MAP4K3: variants seen among roughly 807,000 people sequenced by gnomAD.
The protein encoded by MAP4K3 is MAPK/ERK kinase kinase kinase 3.
In MAP4K3, 94 loss-of-function variants were observed where a neutral mutation model predicts 143.5. The observed-to-expected ratio is 0.65, with a 90% CI of 0.55 to 0.78. The LOEUF is 0.78. MAP4K3 is among the 30% of genes least tolerant of loss of function. MAP4K3 has a pLI of 0.00. For missense variants in MAP4K3, 1,077 were observed against 1,068.1 expected (o/e 1.01, Z -0.12); for synonymous variants, 416 against 347.2 (o/e 1.20, Z -2.20).
intron 8 of MAP4K3, among the ~76,000 whole-genome samples, chr2:39,328,750 G>C (rs1343639406): frequency 6.6e-6 from 1 of 152,136 alleles, no homozygotes; most frequent in Non-Finnish European, 1.5e-5. Flanking sequence ...AAGAAATGTA[G>C]TTGATGCATT....
chr2:39,422,423 G>A (rs1193336303), intron 1 of MAP4K3, among the ~76,000 whole-genome samples: 2 of 152,062 alleles, frequency 1.3e-5, no homozygotes, highest in Non-Finnish European at 2.9e-5. Flanking sequence ...TAGACACCAG[G>A]AGAAAACAGC....
intron 20 of MAP4K3, among the ~76,000 whole-genome samples, chr2:39,287,754 T>C (rs1284636657): frequency 6.6e-6 from 1 of 152,170 alleles, no homozygotes; most frequent in Non-Finnish European, 1.5e-5. Context: ...AATAAGGAGT[T>C]AGGACAAGGT....
intron 19 of MAP4K3, 49 bp downstream of exon 19, chr2:39,290,243 G>T: frequency 2.2e-6 from 3 of 1,361,014 alleles, no homozygotes; most frequent in Non-Finnish European, 3.0e-6. Context: ...GTATTAAATT[G>T]GCAGAACAAT....
At chr2:39,338,614 G>T (rs1260501403) in intron 4 of MAP4K3, among the ~76,000 whole-genome samples, 1 of 152,084 alleles carries the variant, frequency 6.6e-6, no homozygotes, top group East Asian at 1.9e-4. Flanking sequence ...TCAATATATA[G>T]GTCTTAATCT....
chr2:39,363,684 A>G (rs565998537), intron 2 of MAP4K3, among the ~76,000 whole-genome samples: 249 of 151,598 alleles, frequency 1.6e-3, no homozygotes, highest in African/African-American at 5.8e-3. Context: ...AAAAAAAAAA[A>G]AAAAAGAGCT....
At chr2:39,327,154 G>C (rs1683518487) in intron 8 of MAP4K3, among the ~76,000 whole-genome samples, 1 of 152,048 alleles carries the variant, frequency 6.6e-6, no homozygotes, top group Non-Finnish European at 1.5e-5. Flanking sequence ...GCAACCTATA[G>C]CTCTACTTCC....
chr2:39,301,699 T>A (rs11124673), intron 15 of MAP4K3, among the ~76,000 whole-genome samples: 134,023 of 152,080 alleles, frequency 0.88, 59,278 homozygotes, highest in Non-Finnish European at 0.92. Context: ...AAATAAAGGA[T>A]ATAGGCCGGG....
intron 2 of MAP4K3, among the ~76,000 whole-genome samples, chr2:39,374,456 T>G (rs1025954085): frequency 6.6e-5 from 10 of 151,290 alleles, no homozygotes; most frequent in Admixed American, 5.9e-4. Flanking sequence ...CAGAGGCGGG[T>G]GGATCACCTG....
chr2:39,250,568 A>T lies in MAP4K3; in HGVS notation c.*50T>A, dbSNP rs367618459. 1.3e-6 allele frequency: 2 copies of T among 1,491,232 alleles called. No homozygotes were observed. 92.4% of individuals were successfully genotyped at this position (1,491,232 alleles called of 1,614,324 possible). A position where few individuals can be genotyped will look rare whatever the true frequency, so the allele number is the denominator to read the frequency against. ...AGCTTCAAGCATCCATTAATGTTGC[A>T]GTGGTAGTGTTCTTTCTTTCTAGAG... On this transcript the variant is annotated 3_prime_UTR_variant, in exon 34 of 34. Coordinates refer to ENST00000263881, the MANE Select transcript of MAP4K3 (RefSeq NM_003618.4).
chr2:39,260,527 TAGTA>T (rs1680524193), intron 29 of MAP4K3, 75 bp downstream of exon 29: 1 of 1,185,148 alleles, frequency 8.4e-7, no homozygotes, highest in African/African-American at 1.6e-5. Flanking sequence ...AGTTTTTCCT[TAGTA>T]AGAGATACAG....
intron 1 of MAP4K3, chr2:39,436,675 C>G (rs1558358260): frequency 1.1e-5 from 6 of 561,706 alleles, no homozygotes; most frequent in South Asian, 8.2e-5. Context: ...ATCATGTCCA[C>G]CGGGGGGGCT....
chr2:39,425,921 T>G (rs894590238), intron 1 of MAP4K3, among the ~76,000 whole-genome samples: 5 of 152,232 alleles, frequency 3.3e-5, no homozygotes, highest in African/African-American at 1.2e-4. Flanking sequence ...GGAACCATTA[T>G]AGTAATAATT....
At chr2:39,349,891 T>C (rs1438746849) in intron 3 of MAP4K3, among the ~76,000 whole-genome samples, 1 of 152,212 alleles carries the variant, frequency 6.6e-6, no homozygotes, top group East Asian at 1.9e-4. Context: ...GAACTAATGA[T>C]CTATAGAAAA....
At chr2:39,269,444 T>C (rs1248325683) in intron 26 of MAP4K3, among the ~76,000 whole-genome samples, 3 of 150,360 alleles carry the variant, frequency 2.0e-5, no homozygotes, top group Admixed American at 2.0e-4. Flanking sequence ...AGCATAGAAA[T>C]CTGAAGCTTA....
intron 1 of MAP4K3, among the ~76,000 whole-genome samples, chr2:39,398,124 C>A (rs533986813): frequency 1.7e-3 from 253 of 152,226 alleles, no homozygotes; most frequent in Middle Eastern, 3.4e-3. Flanking sequence ...CTAGCAAACA[C>A]CCTTCTAGGA....
chr2:39,345,091 A>G (rs1343722878), intron 3 of MAP4K3, among the ~76,000 whole-genome samples: 1 of 152,184 alleles, frequency 6.6e-6, no homozygotes, highest in African/African-American at 2.4e-5. Context: ...GGAGATGCTG[A>G]GCCAGGCCCA....
At position 39,336,949 on chromosome 2, in the gene MAP4K3, T is replaced by A; in HGVS notation, c.385A>T (p.Ser129Cys). ...ETLQGLYYLH[S>C]KGKMHRDIKG... ...ATATCTCTGTGCATTTTTCCTTTAC[T>A]GTGAAGATAATATAATCCCTGGAGT... The change falls in exon 6 of 34, where the codon AGT becomes TGT. Residue 129 changes from serine to cysteine, a missense_variant. Transcript: ENST00000263881. The A allele has an allele frequency of 7.5e-7, 1 of 1,335,742 alleles. No individual in the cohort carries two copies. The highest frequency in any genetic ancestry group is 1.0e-6 in the Non-Finnish European group (1 of 955,508). 82.7% of individuals were successfully genotyped at this position (1,335,742 alleles called of 1,614,324 possible).
intron 1 of MAP4K3, among the ~76,000 whole-genome samples, chr2:39,403,834 T>C (rs997384866): frequency 4.7e-5 from 7 of 150,128 alleles, no homozygotes; most frequent in Admixed American, 4.7e-4. Context: ...GTCTTCTGCT[T>C]GAGGAGAGAA....
intron 15 of MAP4K3, 68 bp downstream of exon 15, chr2:39,307,871 ATGTT>A (rs1682771610): frequency 8.4e-7 from 1 of 1,187,386 alleles, no homozygotes; most frequent in Non-Finnish European, 1.2e-6. Flanking sequence ...ATTGGACAAA[ATGTT>A]TGATCTTAAA....
Sources: gnomAD v4.1 joint callset for allele counts (sites outside exome capture counted in the v4.1 genomes callset) on GRCh38, gnomAD v4.1.1 for gene constraint, MANE v1.5 for transcripts, NCBI Gene and HGNC (gene_info 2026-07-23, HGNC 2026-07-21) for gene names.